Variants in ZFHX3 observed in about 807,000 individuals in gnomAD.
ZFHX3 encodes the protein zinc finger homeobox 3.
Under a neutral mutation model 279.1 loss-of-function variants are expected in ZFHX3, and 42 were observed. The observed-to-expected ratio is 0.15, with a 90% CI of 0.12 to 0.19. The LOEUF (loss-of-function observed/expected upper bound fraction) is 0.19, where lower values mean the gene tolerates loss of function less well. Ranked by LOEUF, ZFHX3 falls within the 10% of genes least tolerant of loss-of-function variation. The probability of loss-of-function intolerance (pLI) is 1.00; values close to 1 mark genes in which losing one functional copy is unlikely to be tolerated. For missense variants in ZFHX3, 4,981 were observed against 4,754.0 expected (o/e 1.05, Z -1.40); for synonymous variants, 2,293 against 1,957.8 (o/e 1.17, Z -4.52).
chr16:73,083,021 T>TAAAAAAAAAA (rs71156139), intron 8 of ZFHX3, among the ~76,000 whole-genome samples: 14 of 132,042 alleles, frequency 1.1e-4, no homozygotes, highest in African/African-American at 4.0e-4. Flanking sequence ...CCATCTCTAC[T>TAAAAAAAAAA]AAAAAAAAAA....
chr16:73,040,763 G>A (rs185468933), intron 1 of ZFHX3, among the ~76,000 whole-genome samples: 11 of 152,344 alleles, frequency 7.2e-5, no homozygotes, highest in Admixed American at 3.3e-4. Context: ...TGAAAAGGGC[G>A]TGGAGATGGC....
intron 1 of ZFHX3, among the ~76,000 whole-genome samples, chr16:73,856,707 C>T (rs529602667): frequency 1.3e-5 from 2 of 152,190 alleles, no homozygotes; most frequent in South Asian, 4.2e-4. Context: ...AGGGTTATAC[C>T]ATAATCAGGA....
intron 3 of ZFHX3, among the ~76,000 whole-genome samples, chr16:73,374,118 T>A (rs1727729124): frequency 6.6e-6 from 1 of 152,056 alleles, no homozygotes; most frequent in South Asian, 2.1e-4. Flanking sequence ...GAAAAGCAGT[T>A]AGCGCAGAAA....
chr16:73,169,666 G>T, intron 5 of ZFHX3, among the ~76,000 whole-genome samples: 1 of 134,726 alleles, frequency 7.4e-6, no homozygotes, highest in Admixed American at 7.5e-5. Flanking sequence ...CTCAAAAAAG[G>T]AAAAAAAAAA....
At chr16:73,417,396 CTTTTTTTTT>C (rs57283343) in intron 3 of ZFHX3, among the ~76,000 whole-genome samples, 1 of 118,758 alleles carries the variant, frequency 8.4e-6, no homozygotes, top group African/African-American at 3.3e-5. Context: ...TTTTTCTTTT[CTTTTTTTTT>C]TTTTTTTTTG....
At chr16:73,274,014 C>G (rs920433921) in intron 4 of ZFHX3, among the ~76,000 whole-genome samples, 1 of 152,036 alleles carries the variant, frequency 6.6e-6, no homozygotes. Flanking sequence ...CATGGTGGTG[C>G]GCGCCTGTAA....
intron 1 of ZFHX3, among the ~76,000 whole-genome samples, chr16:73,728,534 A>C (rs1368803188): frequency 1.3e-5 from 2 of 152,126 alleles, no homozygotes; most frequent in Non-Finnish European, 2.9e-5. Context: ...ATAAAGAGAA[A>C]ATGTAATGTG....
intron 1 of ZFHX3, among the ~76,000 whole-genome samples, chr16:73,838,544 C>T (rs1441333952): frequency 6.6e-6 from 1 of 152,108 alleles, no homozygotes; most frequent in Admixed American, 6.5e-5. Context: ...AGCCAAAAAA[C>T]ATAAGTTTGA....
In ZFHX3 at chr16:73,186,957, G is replaced by C. The variant is rs1967923998; in HGVS notation, c.-1103-43126C>G. The stretch of plus-strand genomic sequence containing the variant: ...CTACTGAAACGGGAAACTATTTCAG[G>C]GCTTAGAAGAAATTCTGTAGGAGTG... On this transcript the variant is annotated intron_variant, in intron 5 of 17. Transcript: ENST00000641206. Among the ~76,000 whole-genome samples the C allele has an allele frequency of 3.3e-5, 5 of 152,050 alleles. No individual in the cohort carries two copies. In the South Asian group the frequency reaches 1.0e-3, roughly 32 times the overall value.
intron 3 of ZFHX3, among the ~76,000 whole-genome samples, chr16:73,407,966 T>G (rs1280351982): frequency 6.6e-6 from 1 of 151,272 alleles, no homozygotes; most frequent in Non-Finnish European, 1.5e-5. Flanking sequence ...GTTGGGGAAG[T>G]GCATCCACCT....
chr16:72,809,525 G>T (rs1383047948), intron 7 of ZFHX3: 3 of 150,698 alleles, frequency 2.0e-5, no homozygotes, highest in Non-Finnish European at 2.9e-5. Flanking sequence ...CCCACAGAAA[G>T]TTAATTTAAC....
chr16:73,882,459 AG>A (rs1271215856), intron 1 of ZFHX3, among the ~76,000 whole-genome samples: 1 of 151,464 alleles, frequency 6.6e-6, no homozygotes, highest in African/African-American at 2.4e-5. Flanking sequence ...AAGCTTTTAA[AG>A]TTTTTTTTTT....
At chr16:73,325,928 A>ACAAACAC (rs1567451240) in intron 3 of ZFHX3, among the ~76,000 whole-genome samples, 7 of 145,492 alleles carry the variant, frequency 4.8e-5, no homozygotes, top group African/African-American at 1.0e-4. Context: ...CACACACACA[A>ACAAACAC]ACACACACAC....
At chr16:73,478,148 C>T (rs916656389) in intron 2 of ZFHX3, among the ~76,000 whole-genome samples, 2 of 151,878 alleles carry the variant, frequency 1.3e-5, no homozygotes, top group Non-Finnish European at 2.9e-5. Context: ...GTCCTGCAGT[C>T]CCAGCTACTC....
chr16:73,581,008 A>C (rs2143823823), intron 2 of ZFHX3, among the ~76,000 whole-genome samples: 1 of 152,016 alleles, frequency 6.6e-6, no homozygotes, highest in South Asian at 2.1e-4. Context: ...TAGAGATCAC[A>C]GTCTGGACAC....
intron 5 of ZFHX3, among the ~76,000 whole-genome samples, chr16:73,162,032 T>C (rs1408837232): frequency 6.6e-6 from 1 of 152,224 alleles, no homozygotes; most frequent in African/African-American, 2.4e-5. Context: ...CAAATCTCAG[T>C]TGGTGTGATG....
chr16:73,500,954 T>C (rs1386690673), intron 2 of ZFHX3, among the ~76,000 whole-genome samples: 1 of 152,274 alleles, frequency 6.6e-6, no homozygotes. Flanking sequence ...AGTAATGGCC[T>C]AGGCCGTCAC....
chr16:73,544,380 C>T (rs933610433), intron 2 of ZFHX3, among the ~76,000 whole-genome samples: 2 of 152,116 alleles, frequency 1.3e-5, no homozygotes, highest in African/African-American at 4.8e-5. Context: ...TCATTAGTCA[C>T]GTTTAAAAGC....
intron 5 of ZFHX3, among the ~76,000 whole-genome samples, chr16:73,149,469 C>T (rs73595208): frequency 0.019 from 2,847 of 152,224 alleles, 79 homozygotes; most frequent in African/African-American, 0.064. Context: ...CAGTTGGCCA[C>T]TCACTCCACA....
Sources: gnomAD v4.1 joint callset for allele counts (sites outside exome capture counted in the v4.1 genomes callset) on GRCh38, gnomAD v4.1.1 for gene constraint, MANE v1.5 for transcripts, NCBI Gene and HGNC (gene_info 2026-07-23, HGNC 2026-07-21) for gene names.